The following SPRED2 variants were observed in gnomAD, a reference collection of about 807,000 sequenced individuals.
SPRED2 encodes the protein sprouty-related, EVH1 domain-containing protein 2.
In SPRED2, 47 loss-of-function variants were observed where a neutral mutation model predicts 43.0. The ratio of observed to expected loss-of-function variants is 1.09; its 90% CI spans 0.87 to 1.40. The LOEUF (loss-of-function observed/expected upper bound fraction) is 1.40. Among genes scored for constraint, SPRED2 ranks in the 40% most tolerant of loss-of-function variants. SPRED2 has a pLI of 0.00. For missense variants in SPRED2, 561 were observed against 586.4 expected (o/e 0.96, Z 0.45); for synonymous variants, 225 against 225.7 (o/e 1.00, Z 0.03).
intron 1 of SPRED2, among the ~76,000 whole-genome samples, chr2:65,375,209 T>C (rs1243069199): frequency 1.3e-5 from 2 of 152,242 alleles, no homozygotes; most frequent in African/African-American, 4.8e-5. Flanking sequence ...CACATACTCA[T>C]GTGTCAACAT....
At chr2:65,327,154 C>T (rs1482345890) in intron 4 of SPRED2, among the ~76,000 whole-genome samples, 2 of 152,118 alleles carry the variant, frequency 1.3e-5, no homozygotes, top group Non-Finnish European at 2.9e-5. Flanking sequence ...CCATGCACGG[C>T]CTCTAAATTT....
chr2:65,407,389 ATTGGGGGGCATT>A (rs938011278), intron 1 of SPRED2, among the ~76,000 whole-genome samples: 112 of 149,148 alleles, frequency 7.5e-4, no homozygotes, highest in Non-Finnish European at 6.8e-4. Flanking sequence ...TGTGTTGTGT[ATTGGGGGGCATT>A]TTGGGGGGCA....
At chr2:65,404,486 A>C (rs1304707075) in intron 1 of SPRED2, among the ~76,000 whole-genome samples, 1 of 152,188 alleles carries the variant, frequency 6.6e-6, no homozygotes, top group Non-Finnish European at 1.5e-5. Context: ...CTCAGTAATG[A>C]GTTTCTCAGG....
intron 1 of SPRED2, among the ~76,000 whole-genome samples, chr2:65,426,563 GA>G (rs960882106): frequency 1.3e-5 from 2 of 152,064 alleles, no homozygotes; most frequent in African/African-American, 4.8e-5. Flanking sequence ...GTAATGTAGG[GA>G]AAAAAATAAT....
rs1363175106 is a variant in SPRED2, at chr2:65,311,803, T to C, written c.*1698A>G. On this transcript the variant is annotated 3_prime_UTR_variant, in exon 6 of 6. Transcript: ENST00000356388. ...ATCTACTAAAGAAAATCGATGAGCT[T>C]GTGGACGAGCTGGAAACAGCCCCAT... 2.0e-6 allele frequency: 2 copies of C among 985,344 alleles called. No individual in the cohort carries two copies. Among genetic ancestry groups the C allele is most frequent in the African/African-American group, 3.5e-5 (2 of 57,232 alleles). The allele number at this position is 985,344 out of a possible 1,614,324, so 61.0% of individuals were successfully genotyped here.
rs1674497020 is a variant in SPRED2 at position 65,351,101 on chromosome 2, C to T, written c.27-6205G>A. On this transcript the variant is annotated intron_variant, in intron 1 of 5. Transcript: ENST00000356388. ...AACAGGTCCTTGAAACACCAGCTTC[C>T]CTGGCCACTGAGGAGTGGGTTTCGA... Among the ~76,000 whole-genome samples, 14 of 152,282 alleles carry T rather than the reference C, an allele frequency of 9.2e-5. 1 individual carries two copies. The South Asian group carries it at 2.9e-3, about 32-fold the overall frequency.
intron 1 of SPRED2, among the ~76,000 whole-genome samples, chr2:65,356,527 C>T (rs2422472): frequency 4.7e-5 from 2 of 42,144 alleles, no homozygotes; most frequent in Non-Finnish European, 9.8e-5. Flanking sequence ...TGCAGTTCCC[C>T]AGTTCCCTCT....
intron 1 of SPRED2, among the ~76,000 whole-genome samples, chr2:65,355,971 A>G (rs943244662): frequency 6.6e-5 from 10 of 152,248 alleles, no homozygotes; most frequent in Non-Finnish European, 5.9e-5. Context: ...AAACAAAATT[A>G]ACTCTCACCA....
At chr2:65,400,442 A>T (rs1420997646) in intron 1 of SPRED2, among the ~76,000 whole-genome samples, 1 of 152,224 alleles carries the variant, frequency 6.6e-6, no homozygotes, top group Non-Finnish European at 1.5e-5. Context: ...TCTCAATAGG[A>T]TCAAAAGCAT....
At chr2:65,339,097 TG>T (rs753578435) in intron 2 of SPRED2, among the ~76,000 whole-genome samples, 45 of 48,778 alleles carry the variant, frequency 9.2e-4, no homozygotes, top group African/African-American at 5.1e-3. Context: ...GGAGGGAGGT[TG>T]GGCGGGGGGT....
chr2:65,313,407 C>A lies in SPRED2; in HGVS notation c.*94G>T. 6.6e-7 allele frequency: 1 copy of A among 1,509,942 alleles called. No individual in the cohort carries two copies. Among genetic ancestry groups the A allele is most frequent in the Non-Finnish European group, 8.8e-7 (1 of 1,135,234 alleles). The allele number at this position is 1,509,942 out of a possible 1,614,324, so 93.5% of individuals were successfully genotyped here. On this transcript the variant is annotated 3_prime_UTR_variant, in exon 6 of 6. Transcript: ENST00000356388. ...GGGAGGCCGCTTGCCCTCCTCGCTC[C>A]TTGGAGTGGAAGGGAGCGGGGGAGA...
At chr2:65,407,838 T>A (rs888194898) in intron 1 of SPRED2, among the ~76,000 whole-genome samples, 4 of 152,236 alleles carry the variant, frequency 2.6e-5, no homozygotes, top group African/African-American at 9.6e-5. Context: ...CTTAAAATAC[T>A]AACATGACCG....
intron 1 of SPRED2, among the ~76,000 whole-genome samples, chr2:65,410,943 G>A (rs941765815): frequency 1.3e-5 from 2 of 151,944 alleles, no homozygotes; most frequent in African/African-American, 2.4e-5. Flanking sequence ...AACTGCCATC[G>A]GGACAGGGGT....
At chr2:65,348,178 C>T (rs1674406170) in intron 1 of SPRED2, among the ~76,000 whole-genome samples, 1 of 152,204 alleles carries the variant, frequency 6.6e-6, no homozygotes, top group Non-Finnish European at 1.5e-5. Flanking sequence ...CTACTCCTCA[C>T]ATACCAACTG....
chr2:65,333,247 G>C (rs1673865826), intron 3 of SPRED2, among the ~76,000 whole-genome samples: 1 of 144,888 alleles, frequency 6.9e-6, no homozygotes, highest in African/African-American at 2.6e-5. Context: ...GCCTGGGCTG[G>C]AGACTCCATC....
intron 1 of SPRED2, among the ~76,000 whole-genome samples, chr2:65,399,068 G>A (rs563165824): frequency 8.5e-5 from 13 of 152,174 alleles, no homozygotes; most frequent in African/African-American, 3.1e-4. Flanking sequence ...CACGAGGTCA[G>A]GAGATCGAGA....
chr2:65,410,213 G>A (rs1282863744), intron 1 of SPRED2, among the ~76,000 whole-genome samples: 1 of 152,034 alleles, frequency 6.6e-6, no homozygotes, highest in Non-Finnish European at 1.5e-5. Flanking sequence ...CTGCAGCCTG[G>A]ATGATGCAGT....
chr2:65,426,792 T>C (rs1383922016), intron 1 of SPRED2, among the ~76,000 whole-genome samples: 2 of 152,154 alleles, frequency 1.3e-5, no homozygotes, highest in African/African-American at 4.8e-5. Context: ...GGCAAAACAG[T>C]TTTGGGTATT....
intron 1 of SPRED2, among the ~76,000 whole-genome samples, chr2:65,411,871 G>A (rs1676168142): frequency 6.6e-6 from 1 of 152,126 alleles, no homozygotes; most frequent in Non-Finnish European, 1.5e-5. Flanking sequence ...GCTCACGCCT[G>A]TAATCCCAGC....
Sources: gnomAD v4.1 joint callset for allele counts (sites outside exome capture counted in the v4.1 genomes callset) on GRCh38, gnomAD v4.1.1 for gene constraint, MANE v1.5 for transcripts, NCBI Gene and HGNC (gene_info 2026-07-23, HGNC 2026-07-21) for gene names.